STXBP4: variants seen among roughly 807,000 people sequenced by gnomAD.
The protein encoded by STXBP4 is syntaxin binding protein 4.
STXBP4 carries 55 observed loss-of-function variants against 76.1 expected under a neutral mutation model. The ratio of observed to expected loss-of-function variants is 0.72; its 90% CI spans 0.58 to 0.91. The LOEUF is 0.91. Among genes scored for constraint, STXBP4 ranks in the 40% least tolerant of loss-of-function variants. The probability of loss-of-function intolerance (pLI) is 0.00; values close to 1 mark genes in which losing one functional copy is unlikely to be tolerated. For missense variants in STXBP4, 618 were observed against 636.9 expected, an observed-to-expected ratio of 0.97 and a Z score of 0.32; for synonymous variants, 201 against 220.2, an observed-to-expected ratio of 0.91 and a Z score of 0.77.
At position 55,032,245 on chromosome 17, in the gene STXBP4, T is replaced by A. The variant is rs932700750; in HGVS notation, c.763+981T>A. Among the ~76,000 whole-genome samples, 3 of 151,666 alleles carry A rather than the reference T, an allele frequency of 2.0e-5. No individual in the cohort carries two copies. The South Asian group carries it at 6.3e-4, about 32-fold the overall frequency. ...ATTATTTATAAAGCATCTGTATTGC[T>A]GAAAAAAAATTGACCTTTTGGTTTT... On this transcript the variant is annotated intron_variant, in intron 9 of 17. Transcript: ENST00000376352.
Position 54,968,792 on chromosome 17 carries a change from G to C in STXBP4, c.-180G>C, listed in dbSNP as rs150875133. 4.3e-4 allele frequency: 383 copies of C among 898,046 alleles called. 6 individuals carry two copies. In the South Asian group the frequency reaches 6.2e-3, roughly 14 times the overall value. The allele number at this position is 898,046 out of a possible 1,614,324, so 55.6% of individuals were successfully genotyped here. A position where few individuals can be genotyped will look rare whatever the true frequency, so the allele number is the denominator to read the frequency against. On this transcript the variant is annotated 5_prime_UTR_variant, in exon 1 of 18. Transcript: ENST00000376352. ...GTGGCAGCGCTTGCAGTCGGGCTAC[G>C]GAGGCCGGGTTGCCAGATTACGGGT...
chr17:55,017,063 G>A (rs1288944009), intron 8 of STXBP4, among the ~76,000 whole-genome samples: 3 of 152,108 alleles, frequency 2.0e-5, no homozygotes, highest in Admixed American at 1.3e-4. Flanking sequence ...CTGACAACAA[G>A]GTAGTATTGG....
chr17:55,040,083 A>G (rs549160818), intron 10 of STXBP4, among the ~76,000 whole-genome samples: 1 of 152,312 alleles, frequency 6.6e-6, no homozygotes, highest in South Asian at 2.1e-4. Flanking sequence ...ACATGAAAGT[A>G]ACTCATTGGG....
intron 8 of STXBP4, among the ~76,000 whole-genome samples, chr17:55,026,652 G>A (rs1169917522): frequency 6.6e-6 from 1 of 152,150 alleles, no homozygotes; most frequent in Admixed American, 6.5e-5. Context: ...ACTCATATAG[G>A]GGGCAGTGGG....
intron 8 of STXBP4, among the ~76,000 whole-genome samples, chr17:55,019,199 T>C (rs2078260910): frequency 6.6e-6 from 1 of 151,292 alleles, no homozygotes; most frequent in South Asian, 2.1e-4. Flanking sequence ...TTTGTTCTCC[T>C]TTTTTTATCA....
chr17:54,974,043 AT>A (rs2077435849), intron 1 of STXBP4, among the ~76,000 whole-genome samples: 1 of 152,172 alleles, frequency 6.6e-6, no homozygotes. Flanking sequence ...AAGATGTATT[AT>A]TTTAAATTTT....
chr17:54,999,915 G>T, intron 6 of STXBP4, 73 bp downstream of exon 6: 3 of 967,198 alleles, frequency 3.1e-6, no homozygotes, highest in Non-Finnish European at 4.6e-6. Context: ...CATTGGTTAT[G>T]TACATATAGA....
At chr17:55,066,254 C>T (rs1438025816) in intron 12 of STXBP4, among the ~76,000 whole-genome samples, 1 of 151,398 alleles carries the variant, frequency 6.6e-6, no homozygotes, top group Non-Finnish European at 1.5e-5. Flanking sequence ...GACAGAGTCT[C>T]GCTGTGTCAC....
At chr17:55,122,665 A>T (rs913370339) in intron 16 of STXBP4, among the ~76,000 whole-genome samples, 1 of 152,210 alleles carries the variant, frequency 6.6e-6, no homozygotes, top group Non-Finnish European at 1.5e-5. Context: ...TTTAAATTCC[A>T]TCTAGTTTGA....
rs909587216 is a variant in STXBP4 at position 55,170,795 on chromosome 17, C to G, written c.*10884C>G. The G allele has an allele frequency of 6.6e-6, 1 of 152,120 alleles. No homozygotes were observed. The highest frequency in any genetic ancestry group is 2.1e-4 in the South Asian group (1 of 4,828). 9.4% of individuals were successfully genotyped at this position (152,120 alleles called of 1,614,324 possible). A position where few individuals can be genotyped will look rare whatever the true frequency, so the allele number is the denominator to read the frequency against. On this transcript the variant is annotated 3_prime_UTR_variant, in exon 18 of 18. Transcript: ENST00000376352. ...GAAATGAAAATCTTTATTGAAATAA[C>G]TATTTTACCATTGTGTGGTCAGATT...
chr17:54,993,015 A>G (rs558103400), intron 4 of STXBP4, among the ~76,000 whole-genome samples: 8 of 152,234 alleles, frequency 5.3e-5, no homozygotes, highest in African/African-American at 1.9e-4. Context: ...GCCTGACCTA[A>G]GAATTTGCTT....
In STXBP4 at chr17:54,976,760, T is replaced by TG. The variant is rs753767105; in HGVS notation, c.-157+7946dup. 1.2e-4 allele frequency among the ~76,000 whole-genome samples: 18 copies of TG among 152,266 alleles called. No individual in the cohort carries two copies. In the East Asian group the frequency reaches 1.9e-3, roughly 16 times the overall value. The stretch of plus-strand genomic sequence containing the variant: ...AGTGGTCTAGGTTGCATGCTCCTTA[T>TG]GAGAATCTAATGCCTGATGATCTAA... On this transcript the variant is annotated intron_variant, in intron 1 of 17. Transcript: ENST00000376352.
At chr17:55,086,645 C>A (rs1052736264) in intron 16 of STXBP4, among the ~76,000 whole-genome samples, 5 of 152,066 alleles carry the variant, frequency 3.3e-5, no homozygotes, top group Admixed American at 6.6e-5. Flanking sequence ...GCACACATAC[C>A]ACATTTTCCT....
chr17:55,130,950 G>T (rs770033230), intron 16 of STXBP4, among the ~76,000 whole-genome samples: 3 of 152,136 alleles, frequency 2.0e-5, no homozygotes, highest in Non-Finnish European at 4.4e-5. Flanking sequence ...TCCATGTCTT[G>T]GCTATTGGGA....
intron 11 of STXBP4, among the ~76,000 whole-genome samples, chr17:55,045,875 G>A: frequency 6.6e-6 from 1 of 151,970 alleles, no homozygotes; most frequent in South Asian, 2.1e-4. Context: ...TTTGTTTTCA[G>A]TTTTTCTACT....
At chr17:55,159,251 C>T (rs573522319) in intron 17 of STXBP4, among the ~76,000 whole-genome samples, 7 of 151,764 alleles carry the variant, frequency 4.6e-5, no homozygotes, top group Non-Finnish European at 7.4e-5. Flanking sequence ...GTCTCAAATA[C>T]ATAAATAAAT....
intron 16 of STXBP4, 24 bp downstream of exon 16, chr17:55,081,207 T>C (rs894593426): frequency 1.4e-6 from 2 of 1,394,776 alleles, no homozygotes; most frequent in East Asian, 2.9e-5. Context: ...ATTTTTTCAC[T>C]TTTTAAAAGT....
intron 16 of STXBP4, among the ~76,000 whole-genome samples, chr17:55,127,957 CTTCAT>C (rs71361757): frequency 0.24 from 36,757 of 151,868 alleles, 4,880 homozygotes; most frequent in South Asian, 0.32. Flanking sequence ...ATGATCTTGA[CTTCAT>C]TTCATCTAGT....
At chr17:55,075,410 C>T (rs1393331855) in intron 13 of STXBP4, among the ~76,000 whole-genome samples, 1 of 152,062 alleles carries the variant, frequency 6.6e-6, no homozygotes. Flanking sequence ...TGTGGATATA[C>T]TACGTGTAAT....
Sources: allele counts gnomAD v4.1 joint callset (sites outside exome capture counted in the v4.1 genomes callset), GRCh38; gene constraint gnomAD v4.1.1; transcripts MANE v1.5; gene names NCBI Gene and HGNC (gene_info 2026-07-23, HGNC 2026-07-21).